NXPE2: variants seen among roughly 807,000 people sequenced by gnomAD.
NXPE2 encodes the protein neurexophilin and PC-esterase domain family member 2.
Under a neutral mutation model 34.4 loss-of-function variants are expected in NXPE2, and 34 were observed. The ratio of observed to expected loss-of-function variants is 0.99; its 90% confidence interval spans 0.75 to 1.31. The LOEUF (loss-of-function observed/expected upper bound fraction) is 1.31, where lower values mean the gene tolerates loss of function less well. Ranked by LOEUF, NXPE2 falls within the 40% of genes most tolerant of loss-of-function variation. The pLI, the probability that NXPE2 is intolerant of heterozygous loss-of-function variation, is 0.00. For missense variants in NXPE2, 649 were observed against 672.5 expected, an observed-to-expected ratio of 0.97 and a Z score of 0.39; for synonymous variants, 235 against 231.3, an observed-to-expected ratio of 1.02 and a Z score of -0.15.
the NXPE2 span, among the ~76,000 whole-genome samples, chr11:114,716,243 T>G: frequency 6.6e-6 from 1 of 152,174 alleles, no homozygotes; most frequent in Non-Finnish European, 1.5e-5. Context: ...TATGGAAGTT[T>G]CATCAGCAGC....
At chr11:114,572,937 G>GA in the NXPE2 span, among the ~76,000 whole-genome samples, 2 of 152,076 alleles carry the variant, frequency 1.3e-5, no homozygotes, top group East Asian at 1.9e-4. Flanking sequence ...CAAGATGAAG[G>GA]AAAAAATCTT....
intron 5 of NXPE2, 128 bp from the exon 6 acceptor site, chr11:114,706,267 T>C: frequency 1.4e-6 from 1 of 716,542 alleles, no homozygotes; most frequent in Non-Finnish European, 2.1e-6. Context: ...GGTAAAATTA[T>C]CCACCTTACA....
the NXPE2 span, among the ~76,000 whole-genome samples, chr11:114,574,803 A>G: frequency 1.3e-5 from 2 of 152,148 alleles, no homozygotes; most frequent in Admixed American, 6.5e-5. Flanking sequence ...CTATTCCAAA[A>G]GACAGAGAAA....
At chr11:114,809,108 A>G in the NXPE2 span, among the ~76,000 whole-genome samples, 1 of 152,148 alleles carries the variant, frequency 6.6e-6, no homozygotes, top group Admixed American at 6.5e-5. Flanking sequence ...GATTATCTCA[A>G]TAGATGCAGA....
the NXPE2 span, among the ~76,000 whole-genome samples, chr11:114,769,856 T>C: frequency 1.3e-5 from 2 of 152,082 alleles, no homozygotes; most frequent in Admixed American, 1.3e-4. Flanking sequence ...GAAATACCTA[T>C]GGTAGATGAC....
the NXPE2 span, among the ~76,000 whole-genome samples, chr11:114,636,190 A>G: frequency 4.0e-4 from 60 of 151,882 alleles, no homozygotes; most frequent in African/African-American, 1.2e-3. Context: ...GTTTAGTCTT[A>G]GGAGGGTGTA....
At chr11:114,620,948 T>G in the NXPE2 span, among the ~76,000 whole-genome samples, 1 of 151,882 alleles carries the variant, frequency 6.6e-6, no homozygotes, top group Non-Finnish European at 1.5e-5. Context: ...CACATTTACC[T>G]GTTGGATAAT....
At chr11:114,709,626 G>C (rs1859571781), downstream of NXPE2, among the ~76,000 whole-genome samples, 1 of 152,214 alleles carries the variant, frequency 6.6e-6, no homozygotes, top group South Asian at 2.1e-4. Flanking sequence ...AATATCAGAT[G>C]CTGGGTGTGG....
At chr11:114,475,481 A>C in the NXPE2 span, among the ~76,000 whole-genome samples, 2 of 151,748 alleles carry the variant, frequency 1.3e-5, no homozygotes, top group Non-Finnish European at 2.9e-5. Flanking sequence ...TGACCTCTTG[A>C]TCACCTCGGC....
chr11:114,668,155 CA>C, the NXPE2 span, among the ~76,000 whole-genome samples: 14,013 of 152,004 alleles, frequency 0.092, 773 homozygotes, highest in Middle Eastern at 0.2. Flanking sequence ...CTCTCAACTC[CA>C]AACTACTTTT....
At chr11:114,717,834 G>T in the NXPE2 span, among the ~76,000 whole-genome samples, 91 of 152,158 alleles carry the variant, frequency 6.0e-4, no homozygotes, top group African/African-American at 2.0e-3. Flanking sequence ...GTTTGTTGGG[G>T]GAGAGTGAGG....
rs114538036 is a variant in NXPE2, at chr11:114,681,293, G to A, written c.132+1531G>A. ...ATATTGTGTGTCAGGCACTGGTCTA[G>A]GAATTAAAGATACAGAAATACAGGA... On this transcript the variant is annotated intron_variant, in intron 2 of 5. Coordinates refer to ENST00000389586, the MANE Select transcript of NXPE2 (RefSeq NM_182495.6). Among the ~76,000 whole-genome samples, 674 of 152,260 alleles carry A rather than the reference G, an allele frequency of 4.4e-3. 6 individuals carry two copies. The highest frequency in any genetic ancestry group is 0.015 in the African/African-American group (638 of 41,554).
chr11:114,754,707 G>A, the NXPE2 span, among the ~76,000 whole-genome samples: 26,926 of 149,994 alleles, frequency 0.18, 2,781 homozygotes, highest in East Asian at 0.37. Flanking sequence ...GGGAGTGAGA[G>A]CTCCAGGGGG....
the NXPE2 span, among the ~76,000 whole-genome samples, chr11:114,794,667 C>T: frequency 2.6e-5 from 4 of 152,170 alleles, no homozygotes; most frequent in African/African-American, 9.7e-5. Flanking sequence ...GTTCTGTATG[C>T]AGCTACTACT....
chr11:114,608,149 CAG>C, the NXPE2 span, among the ~76,000 whole-genome samples: 1 of 151,740 alleles, frequency 6.6e-6, no homozygotes, highest in African/African-American at 2.4e-5. Context: ...CATGGGTAAC[CAG>C]AGTTACCCTG....
the NXPE2 span, among the ~76,000 whole-genome samples, chr11:114,792,969 A>C: frequency 6.6e-6 from 1 of 152,110 alleles, no homozygotes; most frequent in African/African-American, 2.4e-5. Context: ...GTAAAAAGGA[A>C]CTTACAACCT....
the NXPE2 span, among the ~76,000 whole-genome samples, chr11:114,536,966 A>G: frequency 6.6e-6 from 1 of 152,232 alleles, no homozygotes. Context: ...AGCCTGGCAG[A>G]GACACAACAA....
chr11:114,485,070 GT>G, the NXPE2 span, among the ~76,000 whole-genome samples: 1 of 152,054 alleles, frequency 6.6e-6, no homozygotes, highest in Non-Finnish European at 1.5e-5. Context: ...AACATAATAG[GT>G]GTATGTATTT....
At chr11:114,633,079 TTA>T in the NXPE2 span, among the ~76,000 whole-genome samples, 2 of 119,670 alleles carry the variant, frequency 1.7e-5, no homozygotes, top group Non-Finnish European at 3.2e-5. Context: ...TTTTTATAAT[TTA>T]TCTTTTATGT....
Sources: gnomAD v4.1 joint callset for allele counts (sites outside exome capture counted in the v4.1 genomes callset) on GRCh38, gnomAD v4.1.1 for gene constraint, MANE v1.5 for transcripts, NCBI Gene and HGNC (gene_info 2026-07-23, HGNC 2026-07-21) for gene names.